GRID1: variants seen among roughly 807,000 people sequenced by gnomAD.
The protein encoded by GRID1 is glutamate receptor ionotropic, delta-1.
GRID1 carries 28 observed loss-of-function variants against 98.0 expected under a neutral mutation model. That is an observed-to-expected ratio of 0.29 (90% CI 0.21 to 0.39). The LOEUF is 0.39. Ranked by LOEUF, GRID1 falls within the 10% of genes least tolerant of loss-of-function variation. The pLI, the probability that GRID1 is intolerant of heterozygous loss-of-function variation, is 1.00. For synonymous variants in GRID1, 553 were observed against 538.5 expected (o/e 1.03, Z -0.37); for missense variants, 1,111 against 1,340.5 (o/e 0.83, Z 2.67).
chr10:86,204,130 A>G (rs1845992327), intron 3 of GRID1, among the ~76,000 whole-genome samples: 1 of 152,150 alleles, frequency 6.6e-6, no homozygotes, highest in African/African-American at 2.4e-5. Flanking sequence ...GGGGAGTGTG[A>G]CTGTAGAATA....
chr10:86,032,176 T>C (rs1843194688), intron 4 of GRID1, among the ~76,000 whole-genome samples: 1 of 152,206 alleles, frequency 6.6e-6, no homozygotes, highest in Non-Finnish European at 1.5e-5. Flanking sequence ...TAATAGGTGC[T>C]CATTAAATAT....
intron 11 of GRID1, 109 bp from the exon 12 acceptor site, chr10:85,723,250 G>C: frequency 6.5e-6 from 7 of 1,072,404 alleles, no homozygotes; most frequent in South Asian, 2.1e-5. Flanking sequence ...CTCGTGATGG[G>C]CTGGAACCAG....
chr10:85,687,435 A>T (rs1841282089), intron 12 of GRID1, among the ~76,000 whole-genome samples: 1 of 152,102 alleles, frequency 6.6e-6, no homozygotes, highest in Admixed American at 6.6e-5. Context: ...TAAAATTTGA[A>T]TTTGTATGGT....
intron 2 of GRID1, among the ~76,000 whole-genome samples, chr10:86,247,288 G>C (rs1333206218): frequency 1.3e-5 from 2 of 151,754 alleles, no homozygotes; most frequent in Non-Finnish European, 2.9e-5. Flanking sequence ...TGGATAGACG[G>C]ATGGATGGAT....
At chr10:86,203,386 C>G (rs1017924321) in intron 3 of GRID1, among the ~76,000 whole-genome samples, 1 of 151,994 alleles carries the variant, frequency 6.6e-6, no homozygotes, top group Admixed American at 6.6e-5. Context: ...GAGGGAGCAG[C>G]CACACTTGCA....
chr10:86,163,762 C>T (rs535304212), intron 3 of GRID1, among the ~76,000 whole-genome samples: 2 of 152,296 alleles, frequency 1.3e-5, no homozygotes, highest in East Asian at 1.9e-4. Flanking sequence ...AGTCCCCACT[C>T]GGTGGCAGGG....
At chr10:85,724,307 C>T (rs767665287) in intron 11 of GRID1, 45 bp downstream of exon 11, 5 of 1,475,936 alleles carry the variant, frequency 3.4e-6, no homozygotes, top group Non-Finnish European at 4.6e-6. Context: ...ATAAGTTCTT[C>T]CAGGCCCCTA....
At chr10:85,665,399 C>G (rs2132575588) in intron 12 of GRID1, among the ~76,000 whole-genome samples, 1 of 152,294 alleles carries the variant, frequency 6.6e-6, no homozygotes, top group Non-Finnish European at 1.5e-5. Context: ...AGCATGGGAT[C>G]CTAATTCTTA....
chr10:85,870,203 A>G (rs908116840), intron 5 of GRID1, among the ~76,000 whole-genome samples: 7 of 152,254 alleles, frequency 4.6e-5, no homozygotes, highest in African/African-American at 1.7e-4. Context: ...AAGAAGCTGG[A>G]AAGAGCAGAC....
At chr10:85,915,586 A>G (rs1386780194) in intron 5 of GRID1, among the ~76,000 whole-genome samples, 1 of 151,854 alleles carries the variant, frequency 6.6e-6, no homozygotes, top group Non-Finnish European at 1.5e-5. Flanking sequence ...AAACACATCC[A>G]CACACATATA....
intron 3 of GRID1, among the ~76,000 whole-genome samples, chr10:86,175,270 TTC>T (rs1234027786): frequency 5.3e-5 from 8 of 151,894 alleles, no homozygotes; most frequent in African/African-American, 1.9e-4. Context: ...CTCTGTGTAT[TTC>T]TCTCTCCCCT....
Position 86,354,322 on chromosome 10 carries a change from A to C in GRID1, c.235+9619T>G, listed in dbSNP as rs768119705. Reference sequence around the variant, plus strand: ...GCACCCAGACAGGACCCAGAGACCAAGAGGTGTCGTGTACCTTGGCAGGGT... The same window carrying C: ...GCACCCAGACAGGACCCAGAGACCACGAGGTGTCGTGTACCTTGGCAGGGT... On this transcript the variant is annotated intron_variant, in intron 2 of 15. Transcript: ENST00000327946. Among the ~76,000 whole-genome samples the C allele has an allele frequency of 6.6e-4, 101 of 152,248 alleles. 3 individuals are homozygous for C. Among genetic ancestry groups the C allele is most frequent in the Admixed American group, 4.1e-3 (63 of 15,290 alleles).
At chr10:85,995,199 C>T (rs952835434) in intron 4 of GRID1, among the ~76,000 whole-genome samples, 1 of 152,200 alleles carries the variant, frequency 6.6e-6, no homozygotes, top group Middle Eastern at 3.2e-3. Flanking sequence ...GGAACAAAGT[C>T]GTTTCCAATA....
intron 4 of GRID1, among the ~76,000 whole-genome samples, chr10:86,038,443 C>T (rs920738753): frequency 6.6e-6 from 1 of 152,186 alleles, no homozygotes; most frequent in African/African-American, 2.4e-5. Context: ...GCTGCTGAAT[C>T]AGAAGCAAGA....
chr10:85,747,196 T>C (rs1842005622), intron 8 of GRID1, among the ~76,000 whole-genome samples: 1 of 152,098 alleles, frequency 6.6e-6, no homozygotes, highest in African/African-American at 2.4e-5. Flanking sequence ...AACTTCTGAA[T>C]CAAAGCCCAT....
intron 2 of GRID1, among the ~76,000 whole-genome samples, chr10:86,356,867 G>A (rs1564747722): frequency 6.6e-6 from 1 of 152,334 alleles, no homozygotes; most frequent in East Asian, 1.9e-4. Context: ...GAGTTGTTAG[G>A]CGACAGCATT....
chr10:85,760,657 CA>C (rs1842138743), intron 8 of GRID1, among the ~76,000 whole-genome samples: 1 of 152,192 alleles, frequency 6.6e-6, no homozygotes, highest in African/African-American at 2.4e-5. Context: ...CAGAAGTCAA[CA>C]ATGTCAACAA....
At chr10:86,071,728 A>G (rs899957349) in intron 4 of GRID1, among the ~76,000 whole-genome samples, 1 of 152,176 alleles carries the variant, frequency 6.6e-6, no homozygotes, top group African/African-American at 2.4e-5. Flanking sequence ...GGGCAAGTGC[A>G]GCCTTGAAGA....
chr10:86,112,554 A>G (rs1434258332), intron 4 of GRID1, among the ~76,000 whole-genome samples: 4 of 147,688 alleles, frequency 2.7e-5, no homozygotes, highest in African/African-American at 1.0e-4. Flanking sequence ...CAGCAAGTGA[A>G]GGATGAAAGC....
Sources: gnomAD v4.1 joint callset for allele counts (sites outside exome capture counted in the v4.1 genomes callset) on GRCh38, gnomAD v4.1.1 for gene constraint, MANE v1.5 for transcripts, NCBI Gene and HGNC (gene_info 2026-07-23, HGNC 2026-07-21) for gene names.